Variants in SLIT2 observed in about 807,000 individuals in gnomAD.
SLIT2 encodes slit homolog 2 protein.
SLIT2 carries 41 observed loss-of-function variants against 185.7 expected under a neutral mutation model. The ratio of observed to expected loss-of-function variants is 0.22; its 90% confidence interval spans 0.17 to 0.29. The LOEUF (loss-of-function observed/expected upper bound fraction) is 0.29, where lower values mean the gene tolerates loss of function less well. Among genes scored for constraint, SLIT2 ranks in the 10% least tolerant of loss-of-function variants. The pLI, the probability that SLIT2 is intolerant of heterozygous loss-of-function variation, is 1.00. For missense variants in SLIT2, 1,571 were observed against 1,909.0 expected, an observed-to-expected ratio of 0.82 and a Z score of 3.30; for synonymous variants, 693 against 680.2, an observed-to-expected ratio of 1.02 and a Z score of -0.29.
intron 4 of SLIT2, among the ~76,000 whole-genome samples, chr4:20,349,433 T>C (rs1209086439): frequency 6.6e-6 from 1 of 152,210 alleles, no homozygotes; most frequent in Non-Finnish European, 1.5e-5. Context: ...CTTCCTGTTC[T>C]GCATGGATTT....
chr4:20,286,256 C>T (rs1467905790), intron 4 of SLIT2, among the ~76,000 whole-genome samples: 1 of 152,132 alleles, frequency 6.6e-6, no homozygotes, highest in East Asian at 1.9e-4. Flanking sequence ...TGCATAGGTG[C>T]TTACAGGGAG....
chr4:20,592,366 T>C (rs1176610786), intron 30 of SLIT2, among the ~76,000 whole-genome samples: 1 of 152,198 alleles, frequency 6.6e-6, no homozygotes, highest in Non-Finnish European at 1.5e-5. Context: ...CAGTGTATTT[T>C]ATATTCTTTG....
At chr4:20,333,474 A>T (rs1310078208) in intron 4 of SLIT2, among the ~76,000 whole-genome samples, 1 of 151,994 alleles carries the variant, frequency 6.6e-6, no homozygotes, top group African/African-American at 2.4e-5. Flanking sequence ...CTCTCCCTCC[A>T]CTGAAAACAG....
chr4:20,584,574 A>G (rs1442930727), intron 29 of SLIT2, among the ~76,000 whole-genome samples: 1 of 152,260 alleles, frequency 6.6e-6, no homozygotes, highest in Non-Finnish European at 1.5e-5. Flanking sequence ...GAAGAAACAC[A>G]TTCACAGATA....
rs1717007038 is a variant in SLIT2 at position 20,484,438 on chromosome 4, A to G, written c.540-1762A>G. 6.6e-6 allele frequency among the ~76,000 whole-genome samples: 1 copy of G among 152,154 alleles called. No individual in the cohort carries two copies. Among genetic ancestry groups the G allele is most frequent in the South Asian group, 2.1e-4 (1 of 4,828 alleles). On this transcript the variant is annotated intron_variant, in intron 6 of 36. Coordinates refer to ENST00000504154, the MANE Select transcript of SLIT2 (RefSeq NM_004787.4). The surrounding 1 kb of genome is among the most constrained non-coding windows in gnomAD (Gnocchi z 4.3). ...AAATCCAGTGCTCTGTAGGTCCCCCATAAAGTGGTTTATTTTTTGTGACTT... is the reference window on the plus strand; with the variant it reads ...AAATCCAGTGCTCTGTAGGTCCCCCGTAAAGTGGTTTATTTTTTGTGACTT...
At chr4:20,438,250 T>C (rs901843855) in intron 4 of SLIT2, among the ~76,000 whole-genome samples, 4 of 152,166 alleles carry the variant, frequency 2.6e-5, no homozygotes, top group African/African-American at 9.7e-5. Flanking sequence ...TAGTCCATTT[T>C]CATGGTGTTG....
At chr4:20,550,951 T>C (rs1321614994) in intron 25 of SLIT2, 53 bp downstream of exon 25, 1 of 978,354 alleles carries the variant, frequency 1.0e-6, no homozygotes. Flanking sequence ...TCCTAATGAG[T>C]GACTTGGAAC....
intron 4 of SLIT2, among the ~76,000 whole-genome samples, chr4:20,271,234 G>T (rs1441551769): frequency 2.0e-5 from 3 of 151,224 alleles, no homozygotes; most frequent in African/African-American, 4.8e-5. Flanking sequence ...ACAAGTGACA[G>T]AACAAAGGAT....
chr4:20,538,801 A>G (rs960307599), intron 18 of SLIT2, among the ~76,000 whole-genome samples: 7 of 145,994 alleles, frequency 4.8e-5, no homozygotes, highest in Non-Finnish European at 9.2e-5. Context: ...AAAAAAAGGT[A>G]TTTTTTCATG....
chr4:20,407,120 A>G (rs750412085), intron 4 of SLIT2, among the ~76,000 whole-genome samples: 4 of 152,170 alleles, frequency 2.6e-5, no homozygotes, highest in Non-Finnish European at 5.9e-5. Context: ...TAATAACATC[A>G]AAGTTGCTTT....
At position 20,254,925 on chromosome 4, in the gene SLIT2, G is replaced by A. The variant is rs1711624818; in HGVS notation, c.179+931G>A. 1 of 456,258 alleles carries A rather than the reference G, an allele frequency of 2.2e-6. No individual in the cohort carries two copies. Among genetic ancestry groups the A allele is most frequent in the Non-Finnish European group, 4.4e-6 (1 of 226,954 alleles). The allele number at this position is 456,258 out of a possible 1,614,324, so 28.3% of individuals were successfully genotyped here. On this transcript the variant is annotated intron_variant, in intron 1 of 36. Transcript: ENST00000504154. The surrounding 1 kb of genome is among the most constrained non-coding windows in gnomAD (Gnocchi z 5.1). The stretch of plus-strand genomic sequence containing the variant: ...GACGTCCCCGCCTCCCTGTCTTTGC[G>A]AGTCTCTAATGAAGAAGTAAATGCA...
At chr4:20,468,255 T>C (rs535315421) in intron 5 of SLIT2, among the ~76,000 whole-genome samples, 2 of 152,140 alleles carry the variant, frequency 1.3e-5, no homozygotes, top group African/African-American at 2.4e-5. Context: ...TATGAGAATA[T>C]GGACTATTAT....
chr4:20,605,045 A>G (rs1261713684), intron 33 of SLIT2, among the ~76,000 whole-genome samples: 1 of 151,880 alleles, frequency 6.6e-6, no homozygotes, highest in Non-Finnish European at 1.5e-5. Flanking sequence ...CATCTTGGCC[A>G]GGCTAGACTC....
At chr4:20,608,705 G>A (rs1485618054) in intron 33 of SLIT2, among the ~76,000 whole-genome samples, 2 of 152,046 alleles carry the variant, frequency 1.3e-5, no homozygotes, top group Admixed American at 6.6e-5. Flanking sequence ...AGCATACAAC[G>A]GAAGATGATT....
At chr4:20,320,434 C>T (rs568962332) in intron 4 of SLIT2, among the ~76,000 whole-genome samples, 1 of 152,110 alleles carries the variant, frequency 6.6e-6, no homozygotes, top group Admixed American at 6.5e-5. Context: ...TTCTGAGCCC[C>T]AGCCTCCTTA....
chr4:20,364,034 A>C (rs941074714), intron 4 of SLIT2, among the ~76,000 whole-genome samples: 8 of 152,304 alleles, frequency 5.3e-5, no homozygotes, highest in East Asian at 1.9e-4. Context: ...AAAAAATATC[A>C]AATCAGAAAG....
chr4:20,325,386 C>G (rs1719482069), intron 4 of SLIT2, among the ~76,000 whole-genome samples: 1 of 121,804 alleles, frequency 8.2e-6, no homozygotes, highest in South Asian at 2.5e-4. Context: ...AAACTCACCA[C>G]AACATGTTGT....
chr4:20,472,344 A>C lies in SLIT2; in HGVS notation c.467+4521A>C, dbSNP rs1231672279. Among the ~76,000 whole-genome samples the C allele has an allele frequency of 3.4e-3, 226 of 66,114 alleles. 5 individuals are homozygous for C. Among genetic ancestry groups the C allele is most frequent in the Middle Eastern group, 0.027 (2 of 74 alleles). 43.4% of individuals were successfully genotyped at this position (66,114 alleles called of 152,430 possible). A position where few individuals can be genotyped will look rare whatever the true frequency, so the allele number is the denominator to read the frequency against. On this transcript the variant is annotated intron_variant, in intron 5 of 36. Coordinates refer to ENST00000504154, the MANE Select transcript of SLIT2 (RefSeq NM_004787.4). ...TATATATCTATATATAGATCTATAT[A>C]TAGATATAGATATCTATATAGATAT... is the stretch of plus-strand genomic sequence containing the variant.
intron 4 of SLIT2, among the ~76,000 whole-genome samples, chr4:20,365,802 G>A (rs1723071964): frequency 6.6e-6 from 1 of 152,092 alleles, no homozygotes; most frequent in South Asian, 2.1e-4. Flanking sequence ...CATCTTGTGT[G>A]GAGGCTGTCC....
Sources: gnomAD v4.1 joint callset for allele counts (sites outside exome capture counted in the v4.1 genomes callset) on GRCh38, gnomAD v4.1.1 for gene constraint, Gnocchi (gnomAD v3.1) non-coding constraint, MANE v1.5 for transcripts, NCBI Gene and HGNC (gene_info 2026-07-23, HGNC 2026-07-21) for gene names.